PDE1C: variants seen among roughly 807,000 people sequenced by gnomAD.
PDE1C encodes dual specificity calcium/calmodulin-dependent 3',5'-cyclic nucleotide phosphodiesterase 1C.
Under a neutral mutation model 93.1 loss-of-function variants are expected in PDE1C, and 62 were observed. That is an observed-to-expected ratio of 0.67 (90% CI 0.54 to 0.82). The LOEUF (loss-of-function observed/expected upper bound fraction) is 0.82, where lower values mean the gene tolerates loss of function less well. PDE1C is among the 40% of genes least tolerant of loss of function. The probability of loss-of-function intolerance (pLI) is 0.00; values close to 1 mark genes in which losing one functional copy is unlikely to be tolerated. For missense variants in PDE1C, 742 were observed against 884.6 expected, an observed-to-expected ratio of 0.84 and a Z score of 2.04; for synonymous variants, 325 against 310.1, an observed-to-expected ratio of 1.05 and a Z score of -0.50.
intron 1 of PDE1C, among the ~76,000 whole-genome samples, chr7:32,346,865 A>G (rs140912930): frequency 2.0e-5 from 3 of 152,314 alleles, no homozygotes; most frequent in South Asian, 4.1e-4. Context: ...ATTTACATAA[A>G]ATCTCTAGAA....
intron 1 of PDE1C, among the ~76,000 whole-genome samples, chr7:32,243,710 A>C (rs1808706137): frequency 6.6e-6 from 1 of 152,188 alleles, no homozygotes; most frequent in Non-Finnish European, 1.5e-5. Context: ...TCCTGGGAGA[A>C]GTCATATTTC....
At chr7:32,272,804 A>T (rs957570577) in intron 1 of PDE1C, among the ~76,000 whole-genome samples, 3 of 152,240 alleles carry the variant, frequency 2.0e-5, no homozygotes, top group Non-Finnish European at 4.4e-5. Context: ...CTGCTGAGGC[A>T]GCCATATTGC....
chr7:32,155,128 A>C (rs1459232478), intron 3 of PDE1C, among the ~76,000 whole-genome samples: 1 of 152,210 alleles, frequency 6.6e-6, no homozygotes, highest in Non-Finnish European at 1.5e-5. Flanking sequence ...CCACAGCAGC[A>C]TCAAAACCAG....
chr7:31,661,562 C>T, the PDE1C span, among the ~76,000 whole-genome samples: 3 of 151,858 alleles, frequency 2.0e-5, no homozygotes, highest in Admixed American at 6.6e-5. Flanking sequence ...ATAATACAAA[C>T]ATTAGCCAGG....
intron 1 of PDE1C, among the ~76,000 whole-genome samples, chr7:32,306,580 C>T (rs1813009161): frequency 6.6e-6 from 1 of 152,218 alleles, no homozygotes. Context: ...TTGCTCCAAG[C>T]CATTGTCTAT....
At chr7:32,156,358 C>T (rs1288086348) in intron 3 of PDE1C, among the ~76,000 whole-genome samples, 1 of 152,154 alleles carries the variant, frequency 6.6e-6, no homozygotes, top group African/African-American at 2.4e-5. Flanking sequence ...GTTCAGCTCC[C>T]ACTTATGAGT....
At chr7:32,018,182 A>G (rs1788166033) in intron 2 of PDE1C, among the ~76,000 whole-genome samples, 1 of 151,966 alleles carries the variant, frequency 6.6e-6, no homozygotes, top group South Asian at 2.1e-4. Context: ...GATTATGCTG[A>G]GAAATTGGAA....
At position 32,233,595 on chromosome 7, in the gene PDE1C, C is replaced by G. The variant is rs549105168; in HGVS notation, c.86-24056G>C. Reference sequence around the variant, plus strand: ...GAAAGCCACCAGGGATAAATTAGGACATTACATAATAATAAAAGGGTCAGT... The same window carrying G: ...GAAAGCCACCAGGGATAAATTAGGAGATTACATAATAATAAAAGGGTCAGT... On this transcript the variant is annotated intron_variant, in intron 1 of 18. Coordinates refer to the PDE1C transcript ENST00000396193. Among the ~76,000 whole-genome samples, 3 of 152,102 alleles carry G rather than the reference C, an allele frequency of 2.0e-5. No homozygotes were observed. The East Asian group carries it at 5.8e-4, about 29-fold the overall frequency.
chr7:31,944,746 A>G (rs531751166), intron 2 of PDE1C, among the ~76,000 whole-genome samples: 1 of 152,336 alleles, frequency 6.6e-6, no homozygotes, highest in East Asian at 1.9e-4. Flanking sequence ...AAACATCGAC[A>G]ACTAAAAATT....
At chr7:32,243,317 G>T (rs564680526) in intron 1 of PDE1C, among the ~76,000 whole-genome samples, 2 of 152,320 alleles carry the variant, frequency 1.3e-5, no homozygotes, top group East Asian at 3.9e-4. Context: ...CTGTTTACAA[G>T]GCAGGGAGAA....
intron 1 of PDE1C, among the ~76,000 whole-genome samples, chr7:32,307,935 T>C (rs761168811): frequency 1.3e-5 from 2 of 152,210 alleles, no homozygotes; most frequent in African/African-American, 2.4e-5. Flanking sequence ...CGAGGCATTG[T>C]CTCACTTGGG....
intron 2 of PDE1C, among the ~76,000 whole-genome samples, chr7:31,913,260 G>A (rs1376573349): frequency 6.6e-6 from 1 of 152,158 alleles, no homozygotes; most frequent in Admixed American, 6.5e-5. Flanking sequence ...AGCTCCCTGT[G>A]TAGTACACTG....
At chr7:31,845,888 G>A (rs1430779123) in intron 9 of PDE1C, among the ~76,000 whole-genome samples, 1 of 152,048 alleles carries the variant, frequency 6.6e-6, no homozygotes, top group East Asian at 1.9e-4. Flanking sequence ...AGCTACTTGT[G>A]AGACTGAGGC....
intron 7 of PDE1C, among the ~76,000 whole-genome samples, chr7:31,864,366 A>T (rs186822041): frequency 0.034 from 5,242 of 152,226 alleles, 116 homozygotes; most frequent in Middle Eastern, 0.11. Context: ...CTTAAAAAAA[A>T]ATTTTTAAAG....
At chr7:32,191,088 C>T (rs1804198479) in intron 2 of PDE1C, among the ~76,000 whole-genome samples, 2 of 152,168 alleles carry the variant, frequency 1.3e-5, no homozygotes, top group Admixed American at 6.5e-5. Flanking sequence ...TTATGTGGTA[C>T]TCTAAGGGCT....
intron 17 of PDE1C, among the ~76,000 whole-genome samples, chr7:31,764,778 C>T (rs927491323): frequency 2.0e-5 from 3 of 152,102 alleles, no homozygotes; most frequent in Admixed American, 2.0e-4. Context: ...GTATATGCAT[C>T]CCCAGAACTT....
chr7:31,719,863 T>A, the PDE1C span, among the ~76,000 whole-genome samples: 1 of 152,118 alleles, frequency 6.6e-6, no homozygotes, highest in Middle Eastern at 3.2e-3. Flanking sequence ...TTGTTTCTAT[T>A]GTCAAATGTT....
chr7:31,922,036 A>T (rs552663793), intron 2 of PDE1C, among the ~76,000 whole-genome samples: 1 of 152,306 alleles, frequency 6.6e-6, no homozygotes, highest in East Asian at 1.9e-4. Context: ...GGTGGTAGAG[A>T]TAAAATCCGA....
chr7:31,844,127 T>C (rs1792250304), intron 9 of PDE1C, among the ~76,000 whole-genome samples: 1 of 151,840 alleles, frequency 6.6e-6, no homozygotes, highest in African/African-American at 2.4e-5. Flanking sequence ...TTTAAATAAG[T>C]GAAGAAAAAT....
Sources: allele counts gnomAD v4.1 joint callset (sites outside exome capture counted in the v4.1 genomes callset), GRCh38; gene constraint gnomAD v4.1.1; transcripts MANE v1.5; gene names NCBI Gene and HGNC (gene_info 2026-07-23, HGNC 2026-07-21).